Variants in RMDN2 observed in about 807,000 individuals in gnomAD.
RMDN2 encodes regulator of microtubule dynamics 2.
A neutral mutation model predicts 52.8 loss-of-function variants in RMDN2; 61 were observed. The ratio of observed to expected loss-of-function variants is 1.16; its 90% CI spans 0.94 to 1.43. RMDN2 has a LOEUF of 1.43. RMDN2 is among the 40% of genes most tolerant of loss of function. The probability of loss-of-function intolerance (pLI) is 0.00; values close to 1 mark genes in which losing one functional copy is unlikely to be tolerated. For missense variants in RMDN2, 592 were observed against 475.3 expected (o/e 1.25, Z -2.28); for synonymous variants, 180 against 153.1 (o/e 1.18, Z -1.30).
At chr2:38,032,928 C>T (rs1680314420) in intron 10 of RMDN2, 3 of 152,108 alleles carry the variant, frequency 2.0e-5, no homozygotes, top group African/African-American at 7.2e-5. Context: ...GACATAAAAA[C>T]CCCAAAGTGG....
At chr2:38,055,442 A>G (rs1426538469) in intron 10 of RMDN2, among the ~76,000 whole-genome samples, 1 of 152,162 alleles carries the variant, frequency 6.6e-6, no homozygotes, top group Non-Finnish European at 1.5e-5. Flanking sequence ...CCAGAAATAG[A>G]AAATCCTTAC....
intron 2 of RMDN2, among the ~76,000 whole-genome samples, chr2:37,955,563 G>C (rs1004460901): frequency 6.6e-6 from 1 of 152,080 alleles, no homozygotes; most frequent in East Asian, 1.9e-4. Flanking sequence ...TGTTGTGGGA[G>C]GGACCCAGGG....
At chr2:38,005,761 A>G (rs1345047795) in intron 10 of RMDN2, among the ~76,000 whole-genome samples, 1 of 152,132 alleles carries the variant, frequency 6.6e-6, no homozygotes, top group Non-Finnish European at 1.5e-5. Flanking sequence ...GGTGTTTTAC[A>G]CATGAAGTCC....
At chr2:38,060,653 C>T (rs1256632137) in intron 10 of RMDN2, among the ~76,000 whole-genome samples, 1 of 152,164 alleles carries the variant, frequency 6.6e-6, no homozygotes, top group Non-Finnish European at 1.5e-5. Flanking sequence ...TCACAAACAT[C>T]CACCAGATCC....
At position 38,046,922 on chromosome 2, in the gene RMDN2, G is replaced by A. The variant is rs886619820; in HGVS notation, c.1714-20060G>A. The stretch of plus-strand genomic sequence containing the variant: ...CGCTTGAACCCAGGAGGCGGAGGTT[G>A]CAGAGAGCCGAGATTGCGCCACTGC... On this transcript the variant is annotated intron_variant, in intron 10 of 10. Coordinates refer to the RMDN2 transcript ENST00000234195. Among the ~76,000 whole-genome samples the A allele has an allele frequency of 2.0e-5, 3 of 152,066 alleles. 1 individual carries two copies. The South Asian group carries it at 6.2e-4, about 32-fold the overall frequency.
upstream of RMDN2, among the ~76,000 whole-genome samples, chr2:37,922,739 T>G (rs180890226): frequency 6.6e-6 from 1 of 152,324 alleles, no homozygotes; most frequent in African/African-American, 2.4e-5. Flanking sequence ...GGGGCATGGA[T>G]GAATACTTCT....
intron 2 of RMDN2, among the ~76,000 whole-genome samples, chr2:37,932,072 TA>T (rs752664342): frequency 6.6e-6 from 1 of 152,174 alleles, no homozygotes; most frequent in South Asian, 2.1e-4. Context: ...TTTATTTATT[TA>T]TTTTTTTAAT....
In RMDN2 at chr2:37,929,274, A is replaced by G. The variant is rs1368838008; in HGVS notation, c.-4A>G. The G allele has an allele frequency of 6.7e-7, 1 of 1,500,072 alleles. No homozygotes were observed. 92.9% of individuals were successfully genotyped at this position (1,500,072 alleles called of 1,614,324 possible). A position where few individuals can be genotyped will look rare whatever the true frequency, so the allele number is the denominator to read the frequency against. ...TTTTTAATTTTAGAAACGAAAACCA[A>G]GAAATGCCTTATTCCACAAACAAAG... On this transcript the variant is annotated 5_prime_UTR_variant, in exon 2 of 11. Coordinates refer to ENST00000354545, the MANE Select transcript of RMDN2 (RefSeq NM_001170791.3).
chr2:37,985,022 A>C (rs1299186345), intron 5 of RMDN2, among the ~76,000 whole-genome samples: 2 of 152,198 alleles, frequency 1.3e-5, no homozygotes, highest in African/African-American at 4.8e-5. Flanking sequence ...ACTTTAAAGA[A>C]GCAGATTCCA....
chr2:38,011,893 A>G (rs1380650747), intron 10 of RMDN2, among the ~76,000 whole-genome samples: 1 of 152,180 alleles, frequency 6.6e-6, no homozygotes, highest in Non-Finnish European at 1.5e-5. Context: ...CCAGCCTCCC[A>G]GTCATTCTCC....
intron 2 of RMDN2, among the ~76,000 whole-genome samples, chr2:37,940,885 A>C (rs1186395750): frequency 2.0e-5 from 3 of 152,138 alleles, no homozygotes; most frequent in Admixed American, 2.0e-4. Flanking sequence ...TCTGAAGCCT[A>C]CTTCTGTCAA....
At chr2:37,983,605 A>G (rs1262653710) in intron 5 of RMDN2, among the ~76,000 whole-genome samples, 1 of 152,230 alleles carries the variant, frequency 6.6e-6, no homozygotes, top group Non-Finnish European at 1.5e-5. Flanking sequence ...TTCTTATACT[A>G]TATCCCACTG....
intron 2 of RMDN2, among the ~76,000 whole-genome samples, chr2:37,943,722 AT>A (rs1667987131): frequency 1.3e-5 from 2 of 152,064 alleles, no homozygotes; most frequent in Non-Finnish European, 2.9e-5. Context: ...TTATATATGC[AT>A]TTTTCATGTT....
At chr2:37,967,977 A>G (rs1172917562) in intron 2 of RMDN2, among the ~76,000 whole-genome samples, 1 of 152,210 alleles carries the variant, frequency 6.6e-6, no homozygotes, top group Non-Finnish European at 1.5e-5. Context: ...CTGAGAAATA[A>G]AGTTTATGTT....
At chr2:37,968,334 G>GA (rs1446772849) in intron 2 of RMDN2, among the ~76,000 whole-genome samples, 1 of 150,942 alleles carries the variant, frequency 6.6e-6, no homozygotes, top group South Asian at 2.1e-4. Context: ...TCCCAGCTTG[G>GA]GGGGCTGAGG....
At chr2:37,992,443 C>T (rs895413980) in intron 7 of RMDN2, among the ~76,000 whole-genome samples, 1 of 152,112 alleles carries the variant, frequency 6.6e-6, no homozygotes, top group African/African-American at 2.4e-5. Context: ...ACAATGATGC[C>T]TTCATTCTCT....
chr2:38,067,020 A>C (rs1216252693), exon 11 of RMDN2: 1 of 1,612,180 alleles, frequency 6.2e-7, no homozygotes, highest in Non-Finnish European at 8.5e-7. Context: ...TTGGTACCGC[A>C]AGCCCTGTCA....
intron 4 of RMDN2, among the ~76,000 whole-genome samples, chr2:37,979,051 A>G (rs2125091347): frequency 6.6e-6 from 1 of 152,346 alleles, no homozygotes; most frequent in South Asian, 2.1e-4. Flanking sequence ...TAGAATTGAA[A>G]TAGGATATAT....
At chr2:37,925,834 T>G (rs1428811322) in intron 1 of RMDN2, among the ~76,000 whole-genome samples, 2 of 152,250 alleles carry the variant, frequency 1.3e-5, no homozygotes, top group East Asian at 3.8e-4. Flanking sequence ...TTGTTTTTGT[T>G]TGTGTGGGGT....
Sources: allele counts gnomAD v4.1 joint callset (sites outside exome capture counted in the v4.1 genomes callset), GRCh38; gene constraint gnomAD v4.1.1; transcripts MANE v1.5; gene names NCBI Gene and HGNC (gene_info 2026-07-23, HGNC 2026-07-21).